The following RPH3A variants were observed in gnomAD, a reference collection of about 807,000 sequenced individuals.
RPH3A encodes the protein rabphilin 3A.
Under a neutral mutation model 102.2 loss-of-function variants are expected in RPH3A, and 48 were observed. That is an observed-to-expected ratio of 0.47 (90% CI 0.37 to 0.60). RPH3A has a LOEUF of 0.60. Among genes scored for constraint, RPH3A ranks in the 20% least tolerant of loss-of-function variants. The pLI is 0.00. For missense variants in RPH3A, 781 were observed against 910.1 expected (o/e 0.86, Z 1.83); for synonymous variants, 310 against 324.3 (o/e 0.96, Z 0.47).
chr12:112,692,356 AT>A (rs2040312469), intron 1 of RPH3A, among the ~76,000 whole-genome samples: 1 of 152,250 alleles, frequency 6.6e-6, no homozygotes, highest in Admixed American at 6.5e-5. Flanking sequence ...AATCTTTGAA[AT>A]AATGAATATG....
At chr12:112,638,571 C>T (rs116064102) in intron 1 of RPH3A, among the ~76,000 whole-genome samples, 1,995 of 152,226 alleles carry the variant, frequency 0.013, 49 homozygotes, top group African/African-American at 0.045. Context: ...AAAATTAATT[C>T]GAAAAGTGTT....
chr12:112,719,867 A>T (rs1323856488), intron 1 of RPH3A, among the ~76,000 whole-genome samples: 1 of 152,206 alleles, frequency 6.6e-6, no homozygotes, highest in Non-Finnish European at 1.5e-5. Flanking sequence ...TATATGCTGC[A>T]TCTCACCACC....
chr12:112,761,119 T>C (rs949935845), intron 1 of RPH3A, among the ~76,000 whole-genome samples: 2 of 152,304 alleles, frequency 1.3e-5, no homozygotes, highest in Admixed American at 1.3e-4. Flanking sequence ...TTGACACTTA[T>C]ATGCCCTGTG....
intron 1 of RPH3A, among the ~76,000 whole-genome samples, chr12:112,677,435 TTCCTTCC>T: frequency 2.0e-5 from 2 of 99,898 alleles, no homozygotes; most frequent in Non-Finnish European, 4.1e-5. Context: ...CCTTCCTTCC[TTCCTTCC>T]TTCCTTCCTT....
intron 16 of RPH3A, among the ~76,000 whole-genome samples, chr12:112,887,474 C>T (rs1007959432): frequency 6.6e-5 from 10 of 152,134 alleles, no homozygotes; most frequent in South Asian, 2.1e-4. Flanking sequence ...ATCTTTGAGA[C>T]AGGCAGTGAC....
intron 16 of RPH3A, among the ~76,000 whole-genome samples, chr12:112,886,523 G>A (rs2043004425): frequency 6.6e-6 from 1 of 152,048 alleles, no homozygotes; most frequent in Non-Finnish European, 1.5e-5. Context: ...AGCTGAAGTG[G>A]TAATGCTTGC....
chr12:112,789,341 T>C (rs1347351272), upstream of RPH3A, among the ~76,000 whole-genome samples: 6 of 152,270 alleles, frequency 3.9e-5, no homozygotes, highest in Non-Finnish European at 1.5e-5. Context: ...CATCTGTAAA[T>C]TGAGGACACT....
chr12:112,580,383 T>C (rs948055963), intron 1 of RPH3A, among the ~76,000 whole-genome samples: 1 of 149,524 alleles, frequency 6.7e-6, no homozygotes, highest in African/African-American at 2.5e-5. Context: ...TAGCAGACAC[T>C]TTTGTCTTGT....
chr12:112,695,374 G>T (rs2040342495), intron 1 of RPH3A, among the ~76,000 whole-genome samples: 1 of 152,142 alleles, frequency 6.6e-6, no homozygotes, highest in Non-Finnish European at 1.5e-5. Context: ...AAAGAAATTT[G>T]TTTATTCCAG....
chr12:112,876,803 C>G lies in RPH3A; in HGVS notation c.1108C>G (p.Arg370Gly). Residue 370 changes from arginine (R) to glycine (G), a missense_variant, in exon 13 of 22, where the codon CGC becomes GGC. This residue lies in a region of RPH3A where 730 missense variants were observed against 810.0 expected (regional missense o/e 0.90). Coordinates refer to ENST00000389385, the MANE Select transcript of RPH3A (RefSeq NM_001143854.2). The part of the protein sequence containing the change: ...SAAAPQPAAA[R>G]QPPPPEEEEE... ...AGCTGCCCCCCAGCCTGCTGCAGCCCGCCAGCCACCACCCCCAGAGGAGGA... is the reference window on the plus strand; with the variant it reads ...AGCTGCCCCCCAGCCTGCTGCAGCCGGCCAGCCACCACCCCCAGAGGAGGA... The G allele has an allele frequency of 6.2e-7, 1 of 1,610,324 alleles. No homozygotes were observed. The highest frequency in any genetic ancestry group is 8.5e-7 in the Non-Finnish European group (1 of 1,178,234).
chr12:112,858,266 CAAAAAAAAAAAAAAAAAA>C (rs1164602599), intron 5 of RPH3A, among the ~76,000 whole-genome samples: 1 of 44,768 alleles, frequency 2.2e-5, no homozygotes, highest in Non-Finnish European at 3.7e-5. Context: ...GACCCTGTCT[CAAAAAAAAAAAAAAAAAA>C]AAAAAAAAAA....
At chr12:112,825,334 C>G (rs999198306) in intron 2 of RPH3A, among the ~76,000 whole-genome samples, 2 of 152,092 alleles carry the variant, frequency 1.3e-5, no homozygotes, top group African/African-American at 4.8e-5. Flanking sequence ...CATTCCCCTC[C>G]GGTTTCTCAC....
chr12:112,682,755 A>G (rs559111039), intron 1 of RPH3A, among the ~76,000 whole-genome samples: 3 of 152,342 alleles, frequency 2.0e-5, no homozygotes, highest in African/African-American at 7.2e-5. Flanking sequence ...TCCCAGGGAC[A>G]TACATTCCCA....
At chr12:112,579,216 C>A (rs1048125032) in intron 1 of RPH3A, among the ~76,000 whole-genome samples, 4 of 152,148 alleles carry the variant, frequency 2.6e-5, no homozygotes, top group Non-Finnish European at 4.4e-5. Flanking sequence ...GGTCGCACTT[C>A]CATTGGGCAG....
At chr12:112,814,146 T>A (rs1050384199) in intron 2 of RPH3A, among the ~76,000 whole-genome samples, 2 of 151,764 alleles carry the variant, frequency 1.3e-5, no homozygotes, top group Non-Finnish European at 2.9e-5. Flanking sequence ...TATGTGCGTG[T>A]GTTTGCAGCA....
intron 16 of RPH3A, 139 bp downstream of exon 16, chr12:112,883,541 T>C (rs1215306050): frequency 3.1e-6 from 2 of 636,328 alleles, no homozygotes; most frequent in East Asian, 5.5e-5. Context: ...TTGTTTACTT[T>C]TACCAAAAAA....
chr12:112,588,100 T>C (rs1318253440), intron 1 of RPH3A, among the ~76,000 whole-genome samples: 2 of 152,216 alleles, frequency 1.3e-5, no homozygotes, highest in Admixed American at 1.3e-4. Flanking sequence ...GATTAGCACC[T>C]CTATGATGTC....
chr12:112,687,858 G>C (rs2040277809), intron 1 of RPH3A, among the ~76,000 whole-genome samples: 1 of 152,094 alleles, frequency 6.6e-6, no homozygotes. Flanking sequence ...CTGGTCCAAA[G>C]GCCCACCCCA....
intron 1 of RPH3A, among the ~76,000 whole-genome samples, chr12:112,697,320 T>C (rs951902638): frequency 6.6e-6 from 1 of 152,202 alleles, no homozygotes; most frequent in African/African-American, 2.4e-5. Flanking sequence ...TACTACTATA[T>C]ACTAGGAATA....
Sources: gnomAD v4.1 joint callset for allele counts (sites outside exome capture counted in the v4.1 genomes callset) on GRCh38, gnomAD v4.1.1 for gene constraint, gnomAD v4.1.1 regional missense constraint, MANE v1.5 for transcripts, NCBI Gene and HGNC (gene_info 2026-07-23, HGNC 2026-07-21) for gene names.